UBE2O: variants seen among roughly 807,000 people sequenced by gnomAD.
The protein encoded by UBE2O is ubiquitin conjugating enzyme E2 O, also known as (E3-independent) E2 ubiquitin-conjugating enzyme.
Under a neutral mutation model 125.8 loss-of-function variants are expected in UBE2O, and 15 were observed. That is an observed-to-expected ratio of 0.12 (90% CI 0.08 to 0.18). The LOEUF is 0.18. Ranked by LOEUF, UBE2O falls within the 10% of genes least tolerant of loss-of-function variation. UBE2O has a pLI of 1.00. For missense variants in UBE2O, 1,280 were observed against 1,723.6 expected, an observed-to-expected ratio of 0.74 and a Z score of 4.56; for synonymous variants, 708 against 703.2, an observed-to-expected ratio of 1.01 and a Z score of -0.11.
intron 3 of UBE2O, among the ~76,000 whole-genome samples, chr17:76,403,382 C>T (rs1398923982): frequency 2.6e-5 from 4 of 152,082 alleles, no homozygotes; most frequent in Non-Finnish European, 4.4e-5. Context: ...GACTCTCCCA[C>T]CTCAGTCTTC....
At chr17:76,426,002 T>C (rs1213933356) in intron 1 of UBE2O, among the ~76,000 whole-genome samples, 2 of 152,134 alleles carry the variant, frequency 1.3e-5, no homozygotes, top group Non-Finnish European at 2.9e-5. Context: ...GCACTTTTTT[T>C]CCAGCCCTTA....
chr17:76,433,397 G>C (rs1185941312), intron 1 of UBE2O, among the ~76,000 whole-genome samples: 1 of 148,796 alleles, frequency 6.7e-6, no homozygotes, highest in Non-Finnish European at 1.5e-5. Flanking sequence ...CAAACCCACA[G>C]AGACAGAACA....
chr17:76,422,560 GA>G (rs2072730140), intron 1 of UBE2O, among the ~76,000 whole-genome samples: 1 of 152,216 alleles, frequency 6.6e-6, no homozygotes, highest in African/African-American at 2.4e-5. Flanking sequence ...GCAGGTGTCC[GA>G]GCAGGACGGA....
At chr17:76,429,858 C>G (rs1284016439) in intron 1 of UBE2O, among the ~76,000 whole-genome samples, 1 of 152,172 alleles carries the variant, frequency 6.6e-6, no homozygotes, top group Non-Finnish European at 1.5e-5. Flanking sequence ...CAGCGTTACC[C>G]TGCCCCTTGC....
chr17:76,407,888 C>G (rs2072451397), intron 1 of UBE2O, among the ~76,000 whole-genome samples: 1 of 152,208 alleles, frequency 6.6e-6, no homozygotes, highest in Non-Finnish European at 1.5e-5. Flanking sequence ...CTTTCTATGA[C>G]AAGGAGTTAC....
chr17:76,445,887 T>C lies in UBE2O; in HGVS notation c.417+6838A>G, dbSNP rs146335482. Reference sequence around the variant, plus strand: ...ATGAAGCAATTCCGAACGGGCACTCTTGCTCAGTAAGAGCTGCAAATGTGG... The same window carrying C: ...ATGAAGCAATTCCGAACGGGCACTCCTGCTCAGTAAGAGCTGCAAATGTGG... On this transcript the variant is annotated intron_variant, in intron 1 of 17. Coordinates refer to ENST00000319380, the MANE Select transcript of UBE2O (RefSeq NM_022066.4). 8.3e-3 allele frequency among the ~76,000 whole-genome samples: 1,268 copies of C among 152,344 alleles called. 6 individuals carry two copies. The highest frequency in any genetic ancestry group is 0.011 in the Non-Finnish European group (763 of 68,022).
At position 76,395,866 on chromosome 17, in the gene UBE2O, A is replaced by C; in HGVS notation, c.2810-5T>G. The C allele has an allele frequency of 6.2e-7, 1 of 1,614,060 alleles. No homozygotes were observed. On this transcript the variant is annotated splice_polypyrimidine_tract_variant and splice_region_variant and intron_variant, in intron 14 of 17. Transcript: ENST00000319380. This position sits in a 1 kb window ranked among gnomAD's most constrained non-coding sequence, Gnocchi z 5.0. ...TTTTCTTAAAAGAATGATTTGCTAG[A>C]GGGGGGAAGAGAATAGTCAGTCCCT... is the stretch of plus-strand genomic sequence containing the variant.
rs1370107504 is a variant in UBE2O, at chr17:76,404,672, T to C, written c.588+534A>G. ...GTTGCACAGGAGGCTGTCCTCATTT[T>C]TGGAAAACACACAAGAGGTGTGTGT... is the stretch of plus-strand genomic sequence containing the variant. On this transcript the variant is annotated intron_variant, in intron 3 of 17. Transcript: ENST00000319380. This position sits in a 1 kb window ranked among gnomAD's most constrained non-coding sequence, Gnocchi z 4.3. Among the ~76,000 whole-genome samples, 1 of 152,176 alleles carries C rather than the reference T, an allele frequency of 6.6e-6. No individual in the cohort carries two copies. The highest frequency in any genetic ancestry group is 6.5e-5 in the Admixed American group (1 of 15,274).
chr17:76,439,625 A>T (rs1458837832), intron 1 of UBE2O, among the ~76,000 whole-genome samples: 1 of 152,158 alleles, frequency 6.6e-6, no homozygotes, highest in African/African-American at 2.4e-5. Context: ...AAAGCTCACA[A>T]AGCTAAAAAA....
Position 76,399,755 on chromosome 17 carries a change from C to T in UBE2O, c.1322G>A (p.Ser441Asn), listed in dbSNP as rs779568832. ...SPEETPDGSA[S>N]PVEMQDEGAE... is the part of the protein sequence containing the mutation. ...ACCCTCGTCCTGCATCTCCACTGGACTGGCAGAGCCATCGGGCGTCTCCTC... is the reference window on the plus strand; with the variant it reads ...ACCCTCGTCCTGCATCTCCACTGGATTGGCAGAGCCATCGGGCGTCTCCTC... The change falls in exon 9 of 18, where the codon AGT becomes AAT. Residue 441 changes from serine (S) to asparagine (N), a missense_variant. Ser to Asn is a conservative substitution (Grantham distance 46). This residue lies in a region of UBE2O where 141 missense variants were observed against 141.3 expected (regional missense o/e 1.00). Coordinates refer to ENST00000319380, the MANE Select transcript of UBE2O (RefSeq NM_022066.4). This position sits in a 1 kb window ranked among gnomAD's most constrained non-coding sequence, Gnocchi z 6.9. 1 of 1,614,248 alleles carries T rather than the reference C, an allele frequency of 6.2e-7. No homozygotes were observed. The highest frequency in any genetic ancestry group is 8.5e-7 in the Non-Finnish European group (1 of 1,180,042).
rs1198937437 is a variant in UBE2O, at chr17:76,452,818, G to T, written c.324C>A (p.Gly108=). The T allele has an allele frequency of 6.6e-7, 1 of 1,509,694 alleles. No homozygotes were observed. Among genetic ancestry groups the T allele is most frequent in the Non-Finnish European group, 8.8e-7 (1 of 1,130,900 alleles). The allele number at this position is 1,509,694 out of a possible 1,614,324, so 93.5% of individuals were successfully genotyped here. ...SSGCSEAGGA[G]HEEGRASPLR... is the part of the protein sequence containing the mutation. ...GGGGGCTGGCCCGGCCCTCCTCGTG[G>T]CCCGCGCCCCCGGCCTCGGAGCACC... Residue 108 remains glycine, a synonymous_variant, in exon 1 of 18, where the codon GGC becomes GGA. Coordinates refer to ENST00000319380, the MANE Select transcript of UBE2O (RefSeq NM_022066.4). This position sits in a 1 kb window ranked among gnomAD's most constrained non-coding sequence, Gnocchi z 4.4.
intron 15 of UBE2O, 112 bp from the exon 16 acceptor site, chr17:76,392,225 G>T: frequency 1.6e-6 from 1 of 627,188 alleles, no homozygotes; most frequent in Non-Finnish European, 2.6e-6. Context: ...TGCAGATCAC[G>T]CAGGAAGAGC....
chr17:76,400,503 A>G lies in UBE2O; in HGVS notation c.942T>C (p.Cys314=), dbSNP rs747894720. ...LKVTWITKSF[C]PGGTDSVSPP... is the part of the protein sequence containing the mutation. ...GGCTGACGCTGTCCGTGCCCCCTGG[A>G]CAGAAACTCTTGGTAATCCATGTAA... Residue 314 remains cysteine, a synonymous_variant, in exon 7 of 18, where the codon TGT becomes TGC. Coordinates refer to ENST00000319380, the MANE Select transcript of UBE2O (RefSeq NM_022066.4). The surrounding 1 kb of genome is among the most constrained non-coding windows in gnomAD (Gnocchi z 4.3). The G allele has an allele frequency of 6.2e-7, 1 of 1,613,388 alleles. No individual in the cohort carries two copies. The highest frequency in any genetic ancestry group is 1.7e-5 in the Admixed American group (1 of 59,918).
chr17:76,408,515 C>T (rs2072462095), intron 1 of UBE2O, among the ~76,000 whole-genome samples: 1 of 152,212 alleles, frequency 6.6e-6, no homozygotes, highest in African/African-American at 2.4e-5. Flanking sequence ...AAAAGCTCAT[C>T]TCTCCCCAGA....
chr17:76,423,919 T>G (rs2072754835), intron 1 of UBE2O, among the ~76,000 whole-genome samples: 1 of 132,414 alleles, frequency 7.6e-6, no homozygotes, highest in East Asian at 2.6e-4. Flanking sequence ...TTTTTTTTTT[T>G]GAGACGGAGT....
Position 76,390,674 on chromosome 17 carries a change from C to G in UBE2O, c.*269G>C, listed in dbSNP as rs1395269268. 25 of 379,342 alleles carry G rather than the reference C, an allele frequency of 6.6e-5. No individual in the cohort carries two copies. 23.5% of individuals were successfully genotyped at this position (379,342 alleles called of 1,614,324 possible). ...AGCAAGGGAGCAAGTGCCGGACATTCTGCTGGGGTGACAAATGGAAAATCG... is the reference window on the plus strand; with the variant it reads ...AGCAAGGGAGCAAGTGCCGGACATTGTGCTGGGGTGACAAATGGAAAATCG... On this transcript the variant is annotated 3_prime_UTR_variant, in exon 18 of 18. Transcript: ENST00000319380.
chr17:76,431,598 G>C (rs1183246347), intron 1 of UBE2O, among the ~76,000 whole-genome samples: 1 of 152,074 alleles, frequency 6.6e-6, no homozygotes, highest in Non-Finnish European at 1.5e-5. Flanking sequence ...CATTTTGATG[G>C]ACTCTCCTCA....
chr17:76,400,170 C>T lies in UBE2O; in HGVS notation c.1132G>A (p.Gly378Arg), dbSNP rs534540587. 2 of 1,614,038 alleles carry T rather than the reference C, an allele frequency of 1.2e-6. No homozygotes were observed. The highest frequency in any genetic ancestry group is 1.7e-5 in the Admixed American group (1 of 60,006). ...ACCTTCTTGGCCATAGAGCCCTCCC[C>T]CTGGGCGCAGTTTTTTTCTGGACAT... The part of the protein sequence containing the change: ...WECPEKNCAQ[G>R]EGSMAKKVKR... Residue 378 changes from glycine (G) to arginine (R), a missense_variant, in exon 8 of 18, where the codon GGG becomes AGG. Physicochemically the swap from Gly to Arg is moderately radical, Grantham distance 125. This residue lies in a region of UBE2O where 141 missense variants were observed against 141.3 expected (regional missense o/e 1.00). Transcript: ENST00000319380. The surrounding 1 kb of genome is among the most constrained non-coding windows in gnomAD (Gnocchi z 4.3).
intron 15 of UBE2O, among the ~76,000 whole-genome samples, chr17:76,393,373 T>TC (rs1359437137): frequency 4.0e-5 from 6 of 151,886 alleles, no homozygotes; most frequent in Middle Eastern, 3.4e-3. Flanking sequence ...CAAGCGATTC[T>TC]CTGCTTCAGT....
Sources: allele counts gnomAD v4.1 joint callset (sites outside exome capture counted in the v4.1 genomes callset), GRCh38; gene constraint gnomAD v4.1.1; regional missense constraint gnomAD v4.1.1; non-coding constraint Gnocchi (gnomAD v3.1); transcripts MANE v1.5; gene names NCBI Gene and HGNC (gene_info 2026-07-23, HGNC 2026-07-21).